KDM5B: variants seen among roughly 807,000 people sequenced by gnomAD.
KDM5B encodes lysine-specific demethylase 5B.
A neutral mutation model predicts 193.4 loss-of-function variants in KDM5B; 144 were observed. That is an observed-to-expected ratio of 0.74 (90% CI 0.65 to 0.86). The LOEUF (loss-of-function observed/expected upper bound fraction) is 0.86. Among genes scored for constraint, KDM5B ranks in the 40% least tolerant of loss-of-function variants. The pLI, the probability that KDM5B is intolerant of heterozygous loss-of-function variation, is 0.00. For missense variants in KDM5B, 1,833 were observed against 1,886.9 expected (o/e 0.97, Z 0.53); for synonymous variants, 668 against 682.6 (o/e 0.98, Z 0.33).
In KDM5B at chr1:202,758,502, A is replaced by G; in HGVS notation, c.1086T>C (p.Ser362=). The G allele has an allele frequency of 6.2e-7, 1 of 1,608,154 alleles. No homozygotes were observed. The highest frequency in any genetic ancestry group is 1.7e-5 in the Admixed American group (1 of 59,872). ...RCPKCLAQEC[S]KPQEAFGFEQ... ...CAAAGCCAAATGCTTCTTGTGGCTT[A>G]CTACATTCCTGAAAATAAAGAAAAT... The change falls in exon 9 of 27, where the codon AGT becomes AGC. Residue 362 remains serine, a synonymous_variant. Transcript: ENST00000367265.
At chr1:202,767,300 T>A in intron 4 of KDM5B, 2 of 1,609,228 alleles carry the variant, frequency 1.2e-6, no homozygotes, top group Non-Finnish European at 8.5e-7. Context: ...TACAAACACA[T>A]CTTAGCTAGT....
intron 5 of KDM5B, among the ~76,000 whole-genome samples, chr1:202,764,636 AAAACAAAC>A (rs964106670): frequency 5.3e-5 from 8 of 152,086 alleles, no homozygotes; most frequent in African/African-American, 1.2e-4. Flanking sequence ...CTCTATCTCA[AAAACAAAC>A]AAACAAACAA....
At chr1:202,779,700 G>A (rs1657115144) in intron 1 of KDM5B, among the ~76,000 whole-genome samples, 1 of 151,928 alleles carries the variant, frequency 6.6e-6, no homozygotes, top group Admixed American at 6.6e-5. Context: ...CTACTCAGGA[G>A]TCTGAGGCAG....
At chr1:202,753,235 C>A (rs967633050) in intron 11 of KDM5B, among the ~76,000 whole-genome samples, 168 bp from the exon 12 acceptor site, 1 of 152,194 alleles carries the variant, frequency 6.6e-6, no homozygotes, top group East Asian at 1.9e-4. Context: ...CTGTGGCTCA[C>A]GTCTGTAATC....
chr1:202,730,386 G>A (rs939201905), intron 25 of KDM5B, among the ~76,000 whole-genome samples: 3 of 152,144 alleles, frequency 2.0e-5, no homozygotes, highest in Non-Finnish European at 4.4e-5. Context: ...TTTCTGTCTA[G>A]GTGTTTATGT....
At chr1:202,787,393 A>C (rs1657454261) in intron 1 of KDM5B, among the ~76,000 whole-genome samples, 1 of 152,202 alleles carries the variant, frequency 6.6e-6, no homozygotes, top group African/African-American at 2.4e-5. Flanking sequence ...GACCTCAAAG[A>C]ATGTTAATTT....
intron 7 of KDM5B, 110 bp from the exon 8 acceptor site, chr1:202,760,683 C>T: frequency 1.5e-6 from 1 of 684,468 alleles, no homozygotes; most frequent in Non-Finnish European, 2.3e-6. Context: ...CTACATCCTG[C>T]TACAAATGCT....
At chr1:202,787,765 C>T (rs375062661) in intron 1 of KDM5B, among the ~76,000 whole-genome samples, 5 of 151,514 alleles carry the variant, frequency 3.3e-5, no homozygotes, top group East Asian at 3.9e-4. Flanking sequence ...TGGTGGCGGG[C>T]GCCTGTAATC....
chr1:202,785,662 A>G (rs1157211169), intron 1 of KDM5B, among the ~76,000 whole-genome samples: 2 of 152,344 alleles, frequency 1.3e-5, no homozygotes, highest in East Asian at 3.9e-4. Flanking sequence ...CTGTAATCTC[A>G]GCACTTTGGG....
intron 10 of KDM5B, 137 bp from the exon 11 acceptor site, chr1:202,755,589 G>A (rs1655976969): frequency 3.0e-6 from 2 of 658,268 alleles, no homozygotes; most frequent in Admixed American, 5.9e-5. Flanking sequence ...GACCTTCTAG[G>A]ATGCCCAGAG....
chr1:202,806,613 T>A (rs950966311), intron 1 of KDM5B: 1 of 152,176 alleles, frequency 6.6e-6, no homozygotes, highest in African/African-American at 2.4e-5. Context: ...ATTTTCAAAC[T>A]TGCTTAAGAA....
At chr1:202,780,783 A>G (rs1657164613) in intron 1 of KDM5B, among the ~76,000 whole-genome samples, 1 of 131,306 alleles carries the variant, frequency 7.6e-6, no homozygotes, top group Admixed American at 8.2e-5. Flanking sequence ...AGCTTTTGCC[A>G]TTACTAAAAA....
At position 202,724,573 on chromosome 1, in the gene KDM5B, T is replaced by C. The variant is rs555747163; in HGVS notation, c.*4463A>G. 6.6e-6 allele frequency: 1 copy of C among 152,268 alleles called. No homozygotes were observed. Among genetic ancestry groups the C allele is most frequent in the Non-Finnish European group, 1.5e-5 (1 of 68,042 alleles). 9.4% of individuals were successfully genotyped at this position (152,268 alleles called of 1,614,324 possible). The stretch of plus-strand genomic sequence containing the variant: ...CATAGATAATGCATTATGGCTATTA[T>C]GAATGAAGGCCCTCATCCCCAAACT... On this transcript the variant is annotated 3_prime_UTR_variant, in exon 27 of 27. Coordinates refer to ENST00000367265, the MANE Select transcript of KDM5B (RefSeq NM_006618.5).
rs1366909024 is a variant in KDM5B, at chr1:202,766,862, G to A, written c.711+64C>T. On this transcript the variant is annotated intron_variant, in intron 5 of 26. Coordinates refer to ENST00000367265, the MANE Select transcript of KDM5B (RefSeq NM_006618.5). ...AGCACACACATGAGAGAAATCCAGTGCCAGACAGCCATTGGTATTAGGGCT... is the reference window on the plus strand; with the variant it reads ...AGCACACACATGAGAGAAATCCAGTACCAGACAGCCATTGGTATTAGGGCT... 2.0e-6 allele frequency: 3 copies of A among 1,489,282 alleles called. No homozygotes were observed. The African/African-American group carries it at 4.3e-5, about 21-fold the overall frequency. The allele number at this position is 1,489,282 out of a possible 1,614,324, so 92.3% of individuals were successfully genotyped here. A position where few individuals can be genotyped will look rare whatever the true frequency, so the allele number is the denominator to read the frequency against.
At chr1:202,773,002 A>G in intron 4 of KDM5B, 116 bp downstream of exon 4, 2 of 762,774 alleles carry the variant, frequency 2.6e-6, no homozygotes, top group South Asian at 3.8e-5. Context: ...CCACCAAAAT[A>G]AGGTCTTCTA....
intron 1 of KDM5B, among the ~76,000 whole-genome samples, chr1:202,791,667 G>A (rs544576017): frequency 1.3e-5 from 2 of 152,024 alleles, no homozygotes; most frequent in South Asian, 2.1e-4. Context: ...CCTTGCATAC[G>A]TCATACTTGC....
At chr1:202,760,944 C>A (rs538584633) in intron 7 of KDM5B, among the ~76,000 whole-genome samples, 234 of 151,790 alleles carry the variant, frequency 1.5e-3, no homozygotes, top group African/African-American at 5.3e-3. Context: ...AGGAGGATTT[C>A]TTGAGCCTGG....
At chr1:202,763,098 C>G (rs1656316694) in intron 6 of KDM5B, among the ~76,000 whole-genome samples, 1 of 152,194 alleles carries the variant, frequency 6.6e-6, no homozygotes, top group African/African-American at 2.4e-5. Flanking sequence ...CAAGACATAA[C>G]ATATACCGAT....
rs1558475565 is a variant in KDM5B, at chr1:202,727,594, A to C, written c.*1442T>G. 6.5e-6 allele frequency: 1 copy of C among 152,690 alleles called. No individual in the cohort carries two copies. Among genetic ancestry groups the C allele is most frequent in the East Asian group, 1.9e-4 (1 of 5,198 alleles). The allele number at this position is 152,690 out of a possible 1,614,324, so 9.5% of individuals were successfully genotyped here. A position where few individuals can be genotyped will look rare whatever the true frequency, so the allele number is the denominator to read the frequency against. ...GCAACAGAATAGGAAAAGGTAAGCA[A>C]AAGTCTGGTCACCAGAATGTCTTCT... On this transcript the variant is annotated 3_prime_UTR_variant, in exon 27 of 27. Transcript: ENST00000367265.
Sources: gnomAD v4.1 joint callset for allele counts (sites outside exome capture counted in the v4.1 genomes callset) on GRCh38, gnomAD v4.1.1 for gene constraint, MANE v1.5 for transcripts, NCBI Gene and HGNC (gene_info 2026-07-23, HGNC 2026-07-21) for gene names.